The following WDR82 variants were observed in gnomAD, a reference collection of about 807,000 sequenced individuals.
WDR82 encodes WD repeat-containing protein 82.
A neutral mutation model predicts 36.1 loss-of-function variants in WDR82; 8 were observed. The observed-to-expected ratio is 0.22, with a 90% CI of 0.13 to 0.40. WDR82 has a LOEUF of 0.40. WDR82 is among the 10% of genes least tolerant of loss of function. The pLI, the probability that WDR82 is intolerant of heterozygous loss-of-function variation, is 1.00. For synonymous variants in WDR82, 129 were observed against 137.8 expected, an observed-to-expected ratio of 0.94 and a Z score of 0.45; for missense variants, 185 against 400.5, an observed-to-expected ratio of 0.46 and a Z score of 4.59.
chr3:52,266,026 T>C (rs946714947), intron 3 of WDR82, among the ~76,000 whole-genome samples: 3 of 152,128 alleles, frequency 2.0e-5, no homozygotes, highest in Non-Finnish European at 4.4e-5. Flanking sequence ...GGAAAACGTG[T>C]TTAACATTCA....
intron 1 of WDR82, among the ~76,000 whole-genome samples, chr3:52,272,322 T>C (rs541848309): frequency 3.3e-5 from 5 of 152,168 alleles, no homozygotes; most frequent in East Asian, 1.9e-4. Context: ...GGAGGGTGGA[T>C]TGCCTGAGGT....
At chr3:52,262,404 T>C (rs1700069624) in intron 3 of WDR82, among the ~76,000 whole-genome samples, 1 of 152,206 alleles carries the variant, frequency 6.6e-6, no homozygotes, top group South Asian at 2.1e-4. Context: ...AGACTGTATC[T>C]CAATTAAAAA....
In WDR82 at chr3:52,255,397, G is replaced by C. The variant is rs1699997448; in HGVS notation, c.*2093C>G. The stretch of plus-strand genomic sequence containing the variant: ...CTTTCCTGTTAACCCATGGTTCCAA[G>C]CACTCTCTCTTAACAATCATTCCTA... On this transcript the variant is annotated 3_prime_UTR_variant, in exon 9 of 9. Transcript: ENST00000296490. 1 of 152,078 alleles carries C rather than the reference G, an allele frequency of 6.6e-6. No individual in the cohort carries two copies. The highest frequency in any genetic ancestry group is 1.5e-5 in the Non-Finnish European group (1 of 68,008). The allele number at this position is 152,078 out of a possible 1,614,324, so 9.4% of individuals were successfully genotyped here. A position where few individuals can be genotyped will look rare whatever the true frequency, so the allele number is the denominator to read the frequency against.
At chr3:52,260,954 C>G (rs530572585) in intron 4 of WDR82, among the ~76,000 whole-genome samples, 1 of 152,130 alleles carries the variant, frequency 6.6e-6, no homozygotes, top group Non-Finnish European at 1.5e-5. Context: ...GGAGAAACCC[C>G]GTCTCTACTA....
In WDR82 at chr3:52,278,307, C is replaced by T; in HGVS notation, c.55G>A (p.Glu19Lys). The T allele has an allele frequency of 6.2e-7, 1 of 1,608,962 alleles. No individual in the cohort carries two copies. Among genetic ancestry groups the T allele is most frequent in the East Asian group, 2.3e-5 (1 of 43,772 alleles). The change falls in exon 1 of 9, where the codon GAA becomes AAA. Residue 19 changes from glutamate (E) to lysine (K), a missense_variant. Glu to Lys is a moderately conservative substitution (Grantham distance 56, BLOSUM62 1). This residue lies in a region of WDR82 where 49 missense variants were observed against 80.6 expected (regional missense o/e 0.61). Coordinates refer to ENST00000296490, the MANE Select transcript of WDR82 (RefSeq NM_025222.4). ...AAGCAGTTAATCTTGTCCGAGTTTT[C>T]GCGGAACACCTTAGCGACGCGGAAG... is the stretch of plus-strand genomic sequence containing the variant. The part of the protein sequence containing the change: ...RSFRVAKVFR[E>K]NSDKINCFDF...
rs1700019294 is a variant in WDR82 at position 52,257,425 on chromosome 3, G to A, written c.*65C>T. 1 of 1,606,506 alleles carries A rather than the reference G, an allele frequency of 6.2e-7. No homozygotes were observed. The highest frequency in any genetic ancestry group is 8.5e-7 in the Non-Finnish European group (1 of 1,173,192). ...ATGATCCAATCCCACTATTATCTCAGTTCCCTCTGAGTTTCTTCCTGCTGG... is the reference window on the plus strand; with the variant it reads ...ATGATCCAATCCCACTATTATCTCAATTCCCTCTGAGTTTCTTCCTGCTGG... On this transcript the variant is annotated 3_prime_UTR_variant, in exon 9 of 9. Coordinates refer to ENST00000296490, the MANE Select transcript of WDR82 (RefSeq NM_025222.4).
intron 1 of WDR82, among the ~76,000 whole-genome samples, chr3:52,272,134 A>G (rs867055947): frequency 1.2e-4 from 19 of 152,200 alleles, no homozygotes; most frequent in South Asian, 2.1e-4. Flanking sequence ...GAGGTTATCA[A>G]TCTCCATTTG....
intron 1 of WDR82, among the ~76,000 whole-genome samples, chr3:52,277,957 C>T (rs146658936): frequency 6.6e-6 from 1 of 151,990 alleles, no homozygotes; most frequent in African/African-American, 2.4e-5. Flanking sequence ...TGATGCATAG[C>T]GCTCAAAGGA....
chr3:52,258,581 T>C lies in WDR82; in HGVS notation c.867A>G (p.Gln289=), dbSNP rs767263019. ...CAAAAGTCATGAACTTGGGGTTGAA[T>C]TGCAAACAGGTAATCGGGCCTGTGT... ...GKHTGPITCL[Q]FNPKFMTFAS... The change falls in exon 8 of 9, where the codon CAA becomes CAG. Residue 289 remains glutamine, a synonymous_variant. Transcript: ENST00000296490. The C allele has an allele frequency of 8.7e-6, 14 of 1,613,998 alleles. No homozygotes were observed. The East Asian group carries it at 8.9e-5, about 10-fold the overall frequency.
intron 2 of WDR82, 28 bp downstream of exon 2, chr3:52,270,684 C>A (rs1700145746): frequency 6.4e-7 from 1 of 1,565,840 alleles, no homozygotes; most frequent in African/African-American, 1.4e-5. Context: ...GAAACCATGA[C>A]CTTAACTTCC....
chr3:52,261,504 A>G lies in WDR82; in HGVS notation c.327-25T>C, dbSNP rs771121171. ...CCTGCAATACATCGAGATAAATAGG[A>G]GTTGATGCGAAATATTAGCAAAAAT... On this transcript the variant is annotated intron_variant, in intron 3 of 8. Transcript: ENST00000296490. The G allele has an allele frequency of 1.9e-5, 30 of 1,598,710 alleles. No homozygotes were observed. The Admixed American group carries it at 1.9e-4, about 10-fold the overall frequency.
At chr3:52,267,542 A>G (rs1055512534) in intron 2 of WDR82, 7 of 153,002 alleles carry the variant, frequency 4.6e-5, no homozygotes, top group African/African-American at 1.4e-4. Context: ...TCATTTGAAC[A>G]TTCTTCAATT....
At chr3:52,275,135 C>T (rs543194902) in intron 1 of WDR82, among the ~76,000 whole-genome samples, 90 of 152,086 alleles carry the variant, frequency 5.9e-4, no homozygotes, top group African/African-American at 1.6e-3. Context: ...GCAGGAGAAT[C>T]GCTTGAACTC....
At chr3:52,273,256 C>A (rs1474004518) in intron 1 of WDR82, among the ~76,000 whole-genome samples, 2 of 152,074 alleles carry the variant, frequency 1.3e-5, no homozygotes, top group Non-Finnish European at 2.9e-5. Context: ...AGGGTGAAAT[C>A]CCATCTCTAC....
rs1259449852 is a variant in WDR82 at position 52,255,659 on chromosome 3, C to A, written c.*1831G>T. On this transcript the variant is annotated 3_prime_UTR_variant, in exon 9 of 9. Transcript: ENST00000296490. ...TCACAGCCTATTCCTGCCCGCTGAA[C>A]AGAAATTGTGATGCCTTGATTTACC... is the stretch of plus-strand genomic sequence containing the variant. 1 of 152,018 alleles carries A rather than the reference C, an allele frequency of 6.6e-6. No individual in the cohort carries two copies. Among genetic ancestry groups the A allele is most frequent in the Admixed American group, 6.6e-5 (1 of 15,260 alleles). 9.4% of individuals were successfully genotyped at this position (152,018 alleles called of 1,614,324 possible). A position where few individuals can be genotyped will look rare whatever the true frequency, so the allele number is the denominator to read the frequency against.
chr3:52,255,431 T>C lies in WDR82; in HGVS notation c.*2059A>G, dbSNP rs1329702897. The stretch of plus-strand genomic sequence containing the variant: ...CTTAACAATCATTCCTACTGTGAAT[T>C]TTCTACCCGGAAAAGCCAGGGGTGG... On this transcript the variant is annotated 3_prime_UTR_variant, in exon 9 of 9. Transcript: ENST00000296490. 1 of 152,130 alleles carries C rather than the reference T, an allele frequency of 6.6e-6. No individual in the cohort carries two copies. The highest frequency in any genetic ancestry group is 1.5e-5 in the Non-Finnish European group (1 of 68,038). The allele number at this position is 152,130 out of a possible 1,614,324, so 9.4% of individuals were successfully genotyped here.
chr3:52,274,994 G>A (rs990104748), intron 1 of WDR82, among the ~76,000 whole-genome samples: 1 of 152,172 alleles, frequency 6.6e-6, no homozygotes, highest in Non-Finnish European at 1.5e-5. Context: ...AGGCCGAGGC[G>A]GCGGATCACC....
chr3:52,261,112 C>G (rs1346600312), intron 4 of WDR82, among the ~76,000 whole-genome samples: 2 of 152,066 alleles, frequency 1.3e-5, no homozygotes. Flanking sequence ...GCAACAAGAG[C>G]GAAACCCTGT....
chr3:52,274,616 C>T (rs947286568), intron 1 of WDR82, among the ~76,000 whole-genome samples: 4 of 151,852 alleles, frequency 2.6e-5, no homozygotes, highest in African/African-American at 7.3e-5. Flanking sequence ...AAAACAGGGC[C>T]GGGTGCGGAG....
Sources: gnomAD v4.1 joint callset for allele counts (sites outside exome capture counted in the v4.1 genomes callset) on GRCh38, gnomAD v4.1.1 for gene constraint, gnomAD v4.1.1 regional missense constraint, MANE v1.5 for transcripts, NCBI Gene and HGNC (gene_info 2026-07-23, HGNC 2026-07-21) for gene names.